LARP1: variants seen among roughly 807,000 people sequenced by gnomAD.
The protein encoded by LARP1 is La ribonucleoprotein 1, translational regulator.
A neutral mutation model predicts 122.7 loss-of-function variants in LARP1; 36 were observed. The observed-to-expected ratio is 0.29, with a 90% CI of 0.22 to 0.39. The LOEUF (loss-of-function observed/expected upper bound fraction) is 0.39, where lower values mean the gene tolerates loss of function less well. Ranked by LOEUF, LARP1 falls within the 10% of genes least tolerant of loss-of-function variation. The probability of loss-of-function intolerance (pLI) is 1.00; values close to 1 mark genes in which losing one functional copy is unlikely to be tolerated. For synonymous variants in LARP1, 539 were observed against 528.7 expected, an observed-to-expected ratio of 1.02 and a Z score of -0.27; for missense variants, 1,040 against 1,403.6, an observed-to-expected ratio of 0.74 and a Z score of 4.14.
chr5:154,794,924 A>G (rs1582435100), intron 7 of LARP1, among the ~76,000 whole-genome samples: 1 of 152,322 alleles, frequency 6.6e-6, no homozygotes, highest in South Asian at 2.1e-4. Context: ...AATTTAAAGG[A>G]GGATGAGGAG....
At position 154,802,500 on chromosome 5, in the gene LARP1, A is replaced by C. The variant is rs1480171291; in HGVS notation, c.2109+101A>C. 17 of 1,376,520 alleles carry C rather than the reference A, an allele frequency of 1.2e-5. No homozygotes were observed. The African/African-American group carries it at 2.3e-4, about 19-fold the overall frequency. 85.3% of individuals were successfully genotyped at this position (1,376,520 alleles called of 1,614,324 possible). The stretch of plus-strand genomic sequence containing the variant: ...TGTGCAATTTTAGGCAGGTCCTTAT[A>C]ATTCAGAGTCTCAGGATTTTTATAT... On this transcript the variant is annotated intron_variant, in intron 11 of 18. Coordinates refer to ENST00000518297, the MANE Select transcript of LARP1 (RefSeq NM_033551.3). The surrounding 1 kb of genome is among the most constrained non-coding windows in gnomAD (Gnocchi z 5.1).
chr5:154,800,269 G>A (rs900989821), intron 10 of LARP1, among the ~76,000 whole-genome samples: 1 of 152,222 alleles, frequency 6.6e-6, no homozygotes, highest in African/African-American at 2.4e-5. Context: ...TACTGTGTGA[G>A]TTCCTCGGTG....
chr5:154,691,391 G>GT (rs1328508036), intron 1 of LARP1, among the ~76,000 whole-genome samples: 1 of 152,234 alleles, frequency 6.6e-6, no homozygotes, highest in Non-Finnish European at 1.5e-5. Context: ...GGCCGCGGAG[G>GT]TTAAAACTGG....
At chr5:154,723,820 T>C (rs1047071809) in intron 1 of LARP1, among the ~76,000 whole-genome samples, 10 of 152,174 alleles carry the variant, frequency 6.6e-5, no homozygotes, top group Non-Finnish European at 1.3e-4. Flanking sequence ...CTCTGCCATA[T>C]GGACTTGTTG....
intron 1 of LARP1, among the ~76,000 whole-genome samples, chr5:154,761,361 C>T (rs1275590004): frequency 6.6e-6 from 1 of 152,138 alleles, no homozygotes; most frequent in East Asian, 1.9e-4. Context: ...CGGGGTCTTT[C>T]TGCTGACCCA....
At chr5:154,688,910 T>G (rs557530041) in intron 1 of LARP1, among the ~76,000 whole-genome samples, 96 of 152,354 alleles carry the variant, frequency 6.3e-4, no homozygotes, top group Non-Finnish European at 2.2e-4. Context: ...GGTGAATCTT[T>G]GTGAGAATGT....
At chr5:154,809,262 C>T (rs549588658) in intron 16 of LARP1, among the ~76,000 whole-genome samples, 11 of 150,664 alleles carry the variant, frequency 7.3e-5, no homozygotes, top group East Asian at 2.0e-4. Context: ...CCCAGGAGTT[C>T]GAGACCAGCC....
chr5:154,742,237 G>T (rs1752924101), intron 1 of LARP1, among the ~76,000 whole-genome samples: 2 of 152,066 alleles, frequency 1.3e-5, no homozygotes, highest in South Asian at 4.1e-4. Flanking sequence ...ACAAGGCTGG[G>T]CAACATGACG....
At chr5:154,779,584 C>T (rs2113710545) in intron 1 of LARP1, among the ~76,000 whole-genome samples, 1 of 150,910 alleles carries the variant, frequency 6.6e-6, no homozygotes, top group South Asian at 2.1e-4. Flanking sequence ...TCTCGGCTCA[C>T]CGCAACCTCC....
At chr5:154,778,246 C>G (rs1361683843) in intron 1 of LARP1, among the ~76,000 whole-genome samples, 1 of 138,060 alleles carries the variant, frequency 7.2e-6, no homozygotes, top group African/African-American at 2.8e-5. Context: ...GGCCACAGAG[C>G]GAGACTCCGT....
At chr5:154,701,143 G>GT (rs1242877975) in intron 1 of LARP1, among the ~76,000 whole-genome samples, 3 of 151,928 alleles carry the variant, frequency 2.0e-5, no homozygotes, top group Non-Finnish European at 4.4e-5. Flanking sequence ...TTGTTTGTTT[G>GT]TTTGTTTTTT....
At chr5:154,717,514 C>A (rs1383402902) in intron 1 of LARP1, among the ~76,000 whole-genome samples, 2 of 152,204 alleles carry the variant, frequency 1.3e-5, no homozygotes, top group Non-Finnish European at 2.9e-5. Context: ...CAAGAAACCA[C>A]AAGTCTCCAA....
intron 1 of LARP1, among the ~76,000 whole-genome samples, chr5:154,740,207 C>T (rs1415656764): frequency 6.6e-6 from 1 of 151,266 alleles, no homozygotes; most frequent in Non-Finnish European, 1.5e-5. Flanking sequence ...GCCTGACCAA[C>T]ACAGAGGAAC....
chr5:154,805,591 A>G (rs1011503699), intron 14 of LARP1, among the ~76,000 whole-genome samples: 2 of 152,216 alleles, frequency 1.3e-5, no homozygotes, highest in African/African-American at 4.8e-5. Context: ...TAAATGGTTA[A>G]AAGCTCAAGT....
intron 1 of LARP1, among the ~76,000 whole-genome samples, chr5:154,745,288 A>G (rs977046660): frequency 5.3e-5 from 8 of 152,234 alleles, no homozygotes; most frequent in African/African-American, 1.9e-4. Context: ...GACTTCAGAT[A>G]AAACACCTCA....
chr5:154,757,626 A>G (rs1215564599), intron 1 of LARP1, among the ~76,000 whole-genome samples: 1 of 152,152 alleles, frequency 6.6e-6, no homozygotes, highest in African/African-American at 2.4e-5. Context: ...TAATGTCTTC[A>G]CCGTCAAAGG....
intron 1 of LARP1, among the ~76,000 whole-genome samples, chr5:154,764,610 A>AC (rs1454561725): frequency 1.3e-5 from 2 of 149,712 alleles, no homozygotes; most frequent in Non-Finnish European, 3.0e-5. Flanking sequence ...AAAAAAAAAA[A>AC]AAAAAAAAAA....
intron 8 of LARP1, among the ~76,000 whole-genome samples, chr5:154,796,572 C>A (rs565406124): frequency 1.6e-4 from 25 of 152,004 alleles, no homozygotes; most frequent in African/African-American, 6.0e-4. Flanking sequence ...AAGTTTTTTC[C>A]CCTCCTTGTC....
At chr5:154,758,935 A>T (rs745665283) in intron 1 of LARP1, among the ~76,000 whole-genome samples, 1 of 151,846 alleles carries the variant, frequency 6.6e-6, no homozygotes, top group Non-Finnish European at 1.5e-5. Context: ...GGTTTTTTAG[A>T]TCTCCCTCCC....
Sources: gnomAD v4.1 joint callset for allele counts (sites outside exome capture counted in the v4.1 genomes callset) on GRCh38, gnomAD v4.1.1 for gene constraint, Gnocchi (gnomAD v3.1) non-coding constraint, MANE v1.5 for transcripts, NCBI Gene and HGNC (gene_info 2026-07-23, HGNC 2026-07-21) for gene names.